The following MECOM variants were observed in gnomAD, a reference collection of about 807,000 sequenced individuals.
MECOM encodes MDS1 and EVI1 complex locus.
A neutral mutation model predicts 116.3 loss-of-function variants in MECOM; 13 were observed. The observed-to-expected ratio is 0.11, with a 90% CI of 0.07 to 0.18. The LOEUF is 0.18. Ranked by LOEUF, MECOM falls within the 10% of genes least tolerant of loss-of-function variation. The pLI is 1.00. For missense variants in MECOM, 1,299 were observed against 1,509.0 expected (o/e 0.86, Z 2.31); for synonymous variants, 528 against 535.2 (o/e 0.99, Z 0.19).
At chr3:169,501,366 G>A (rs955675955) in intron 1 of MECOM, among the ~76,000 whole-genome samples, 10 of 151,690 alleles carry the variant, frequency 6.6e-5, no homozygotes, top group African/African-American at 2.4e-4. Flanking sequence ...TTTTTTTAAA[G>A]TGAAAAGCAT....
intron 2 of MECOM, among the ~76,000 whole-genome samples, chr3:169,363,249 G>A (rs1419341721): frequency 6.6e-6 from 1 of 151,872 alleles, no homozygotes; most frequent in African/African-American, 2.4e-5. Flanking sequence ...CTAAACTTTA[G>A]GGGAAATGTA....
intron 1 of MECOM, among the ~76,000 whole-genome samples, chr3:169,496,242 C>T (rs1753795454): frequency 6.6e-6 from 1 of 152,184 alleles, no homozygotes; most frequent in Non-Finnish European, 1.5e-5. Flanking sequence ...CCAGTTGCCT[C>T]TATAAGCCTT....
chr3:169,154,538 T>C (rs1301014814), intron 2 of MECOM, among the ~76,000 whole-genome samples: 1 of 152,228 alleles, frequency 6.6e-6, no homozygotes, highest in Non-Finnish European at 1.5e-5. Context: ...CCAGATCCTC[T>C]GACCACCATT....
intron 2 of MECOM, among the ~76,000 whole-genome samples, chr3:169,245,728 T>A (rs1817689): frequency 0.12 from 18,566 of 152,168 alleles, 1,730 homozygotes; most frequent in African/African-American, 0.24. Flanking sequence ...CCCTACATAA[T>A]CCTCAAATTC....
intron 1 of MECOM, among the ~76,000 whole-genome samples, chr3:169,662,980 C>T (rs953389591): frequency 8.0e-5 from 12 of 149,914 alleles, no homozygotes; most frequent in African/African-American, 2.9e-4. Flanking sequence ...GAGACTTTCT[C>T]CTCTTCTCTT....
chr3:169,614,683 G>A (rs1031116669), intron 1 of MECOM, among the ~76,000 whole-genome samples: 1 of 151,722 alleles, frequency 6.6e-6, no homozygotes, highest in African/African-American at 2.4e-5. Context: ...CAGGTAATAA[G>A]CAGTGAGCTC....
chr3:169,153,039 A>G (rs1290200478), intron 2 of MECOM, among the ~76,000 whole-genome samples: 1 of 152,176 alleles, frequency 6.6e-6, no homozygotes, highest in Non-Finnish European at 1.5e-5. Flanking sequence ...CATATTTAAA[A>G]TATTTTTTGC....
In MECOM at chr3:169,405,596, A is replaced by G. The variant is rs183289461; in HGVS notation, c.38-24072T>C. ...CAGACAGAGTTAATAGTACCATACA[A>G]GTCTATAAAACTCCACAAACTAGCC... On this transcript the variant is annotated intron_variant, in intron 1 of 16. Transcript: ENST00000651503. 7.1e-4 allele frequency among the ~76,000 whole-genome samples: 108 copies of G among 152,318 alleles called. 1 individual carries two copies. The highest frequency in any genetic ancestry group is 2.4e-3 in the African/African-American group (101 of 41,558).
At chr3:169,159,134 A>T (rs1742444192) in intron 2 of MECOM, among the ~76,000 whole-genome samples, 1 of 152,212 alleles carries the variant, frequency 6.6e-6, no homozygotes, top group Non-Finnish European at 1.5e-5. Flanking sequence ...ACTTGGCCTC[A>T]TGAGCAATCA....
At chr3:169,480,059 G>C (rs145739263) in intron 1 of MECOM, among the ~76,000 whole-genome samples, 2 of 152,090 alleles carry the variant, frequency 1.3e-5, no homozygotes, top group African/African-American at 4.8e-5. Context: ...ACATTGATTC[G>C]CCTTTTGGTC....
chr3:169,576,510 C>A (rs754344492), intron 1 of MECOM, among the ~76,000 whole-genome samples: 3 of 152,070 alleles, frequency 2.0e-5, no homozygotes, highest in Non-Finnish European at 2.9e-5. Flanking sequence ...GTTATGCATA[C>A]CTTACAATTA....
At position 169,197,467 on chromosome 3, in the gene MECOM, A is replaced by C. The variant is rs566938347; in HGVS notation, c.376-53635T>G. Reference sequence around the variant, plus strand: ...GCTCATCCATATACTCAGAGGCTTCATGACTGATTTCTAGCAGCTTCTGAT... The same window carrying C: ...GCTCATCCATATACTCAGAGGCTTCCTGACTGATTTCTAGCAGCTTCTGAT... On this transcript the variant is annotated intron_variant, in intron 2 of 16. Coordinates refer to ENST00000651503, the MANE Select transcript of MECOM (RefSeq NM_004991.4). 2.8e-3 allele frequency among the ~76,000 whole-genome samples: 419 copies of C among 152,050 alleles called. 2 individuals carry two copies. Among genetic ancestry groups the C allele is most frequent in the Non-Finnish European group, 5.1e-3 (344 of 67,988 alleles).
At chr3:169,376,278 A>G (rs887578816) in intron 2 of MECOM, among the ~76,000 whole-genome samples, 1 of 152,214 alleles carries the variant, frequency 6.6e-6, no homozygotes, top group African/African-American at 2.4e-5. Context: ...CAAGACAAGG[A>G]TGCCCTCTCT....
intron 2 of MECOM, among the ~76,000 whole-genome samples, chr3:169,253,722 T>C (rs1756525408): frequency 6.6e-6 from 1 of 152,130 alleles, no homozygotes. Context: ...TGATAATTTT[T>C]ATAATGGCTT....
intron 8 of MECOM, among the ~76,000 whole-genome samples, chr3:169,114,976 T>C (rs1188472365): frequency 6.6e-6 from 1 of 152,294 alleles, no homozygotes; most frequent in East Asian, 1.9e-4. Flanking sequence ...GAGTGGACTC[T>C]TGCTGTTAGA....
rs566196201 is a variant in MECOM at position 169,616,449 on chromosome 3, G to A, written c.37+46887C>T. 2.2e-4 allele frequency among the ~76,000 whole-genome samples: 34 copies of A among 152,162 alleles called. No homozygotes were observed. The South Asian group carries it at 4.6e-3, about 20-fold the overall frequency. ...CAACCTCCGCCTCCTGGGTTCAAGC[G>A]ACTGTCCTGCCTCAGCCTCCCAAGT... On this transcript the variant is annotated intron_variant, in intron 1 of 16. Transcript: ENST00000651503.
chr3:169,272,283 G>A (rs1759044955), intron 2 of MECOM, among the ~76,000 whole-genome samples: 2 of 152,146 alleles, frequency 1.3e-5, no homozygotes, highest in East Asian at 1.9e-4. Context: ...TGATTCATGG[G>A]AGTCAAAGAG....
At chr3:169,179,877 T>A (rs1229119111) in intron 2 of MECOM, among the ~76,000 whole-genome samples, 1 of 152,184 alleles carries the variant, frequency 6.6e-6, no homozygotes, top group Admixed American at 6.6e-5. Flanking sequence ...ACATTGATAG[T>A]ATGTTATCTG....
At chr3:169,214,870 A>G (rs191661533) in intron 2 of MECOM, among the ~76,000 whole-genome samples, 3 of 147,984 alleles carry the variant, frequency 2.0e-5, no homozygotes, top group Admixed American at 1.4e-4. Flanking sequence ...ATATCTAAAT[A>G]TCTAATATCT....
Sources: gnomAD v4.1 joint callset for allele counts (sites outside exome capture counted in the v4.1 genomes callset) on GRCh38, gnomAD v4.1.1 for gene constraint, MANE v1.5 for transcripts, NCBI Gene and HGNC (gene_info 2026-07-23, HGNC 2026-07-21) for gene names.